The following MAGI2 variants were observed in gnomAD, a reference collection of about 807,000 sequenced individuals.
The protein encoded by MAGI2 is membrane-associated guanylate kinase, WW and PDZ domain-containing protein 2.
In MAGI2, 35 loss-of-function variants were observed where a neutral mutation model predicts 133.3. That is an observed-to-expected ratio of 0.26 (90% confidence interval 0.20 to 0.35). The LOEUF is 0.35. Ranked by LOEUF, MAGI2 falls within the 10% of genes least tolerant of loss-of-function variation. The probability of loss-of-function intolerance (pLI) is 1.00; values close to 1 mark genes in which losing one functional copy is unlikely to be tolerated. For synonymous variants in MAGI2, 729 were observed against 710.6 expected (o/e 1.03, Z -0.41); for missense variants, 1,636 against 1,863.4 (o/e 0.88, Z 2.25).
chr7:78,935,520 T>G (rs1167585659), intron 2 of MAGI2, among the ~76,000 whole-genome samples: 1 of 152,144 alleles, frequency 6.6e-6, no homozygotes, highest in Non-Finnish European at 1.5e-5. Flanking sequence ...GGGGAATTTA[T>G]TGTTCCTTAT....
At chr7:78,542,917 GAAGAC>G (rs1262081889) in intron 3 of MAGI2, among the ~76,000 whole-genome samples, 1 of 152,192 alleles carries the variant, frequency 6.6e-6, no homozygotes, top group Non-Finnish European at 1.5e-5. Context: ...AAGACGGTTT[GAAGAC>G]TAGATTAGAA....
rs78883177 is a variant in MAGI2, at chr7:78,390,754, A to T, written c.1046-21541T>A. 7.7e-3 allele frequency among the ~76,000 whole-genome samples: 1,175 copies of T among 152,238 alleles called. 34 individuals are homozygous for T. Among genetic ancestry groups the T allele is most frequent in the East Asian group, 0.071 (366 of 5,182 alleles). On this transcript the variant is annotated intron_variant, in intron 6 of 21. Coordinates refer to ENST00000354212, the MANE Select transcript of MAGI2 (RefSeq NM_012301.4). ...TAGTATATTATCTTTTACATTTTCC[A>T]TGCCCCTTCCTGCCTCACCTCAGTT...
intron 3 of MAGI2, among the ~76,000 whole-genome samples, chr7:78,550,750 T>C (rs1254838343): frequency 1.5e-5 from 2 of 136,814 alleles, no homozygotes; most frequent in Admixed American, 7.5e-5. Context: ...GAGCATCCTC[T>C]GAACAGTTTT....
At chr7:78,269,501 T>C (rs1794352401) in intron 9 of MAGI2, among the ~76,000 whole-genome samples, 1 of 152,158 alleles carries the variant, frequency 6.6e-6, no homozygotes, top group Non-Finnish European at 1.5e-5. Context: ...TAGTATCTCA[T>C]GGTGGTTTTG....
intron 9 of MAGI2, among the ~76,000 whole-genome samples, chr7:78,274,410 A>AG (rs1199648954): frequency 2.6e-5 from 4 of 152,164 alleles, no homozygotes; most frequent in African/African-American, 9.7e-5. Context: ...CAGGATACAC[A>AG]GGGGTCAGGG....
At chr7:78,527,655 A>C (rs11773635) in intron 3 of MAGI2, among the ~76,000 whole-genome samples, 22,255 of 152,254 alleles carry the variant, frequency 0.15, 2,123 homozygotes, top group Non-Finnish European at 0.21. Flanking sequence ...GTATGAGGAA[A>C]TGTAAAAATG....
intron 2 of MAGI2, among the ~76,000 whole-genome samples, chr7:78,635,336 G>A (rs1461814420): frequency 2.0e-5 from 3 of 152,134 alleles, no homozygotes; most frequent in South Asian, 4.1e-4. Context: ...ATTCTAAAGC[G>A]TATTTCCCCT....
intron 1 of MAGI2, among the ~76,000 whole-genome samples, chr7:79,203,008 G>C (rs1828744186): frequency 6.6e-6 from 1 of 151,852 alleles, no homozygotes; most frequent in Admixed American, 6.6e-5. Flanking sequence ...CAAAATCCTG[G>C]CCCACAAACT....
At chr7:78,692,640 C>T (rs321997) in intron 2 of MAGI2, among the ~76,000 whole-genome samples, 105,520 of 152,064 alleles carry the variant, frequency 0.69, 36,904 homozygotes, top group East Asian at 0.89. Flanking sequence ...ACAAATCTAG[C>T]TTCCGAAAGC....
chr7:78,309,647 T>C (rs1365434492), intron 9 of MAGI2, among the ~76,000 whole-genome samples: 2 of 152,136 alleles, frequency 1.3e-5, no homozygotes, highest in Non-Finnish European at 2.9e-5. Flanking sequence ...AACAAACCTA[T>C]ATGTGTATCC....
chr7:79,061,996 T>A (rs979473498), intron 1 of MAGI2, among the ~76,000 whole-genome samples: 1 of 152,110 alleles, frequency 6.6e-6, no homozygotes, highest in Non-Finnish European at 1.5e-5. Context: ...ACACATGAAA[T>A]CCACAATACA....
At chr7:79,428,872 C>G (rs953859979) in intron 1 of MAGI2, among the ~76,000 whole-genome samples, 3 of 152,062 alleles carry the variant, frequency 2.0e-5, no homozygotes, top group African/African-American at 7.2e-5. Flanking sequence ...TCTAAGAACA[C>G]AAAAACATTT....
At chr7:78,305,197 G>T (rs1213553811) in intron 9 of MAGI2, among the ~76,000 whole-genome samples, 2 of 152,032 alleles carry the variant, frequency 1.3e-5, no homozygotes, top group African/African-American at 4.8e-5. Context: ...TGCCTTTCTT[G>T]TCTGATTTTC....
At chr7:78,559,412 G>T (rs1800188080) in intron 3 of MAGI2, among the ~76,000 whole-genome samples, 2 of 151,974 alleles carry the variant, frequency 1.3e-5, no homozygotes, top group South Asian at 4.2e-4. Flanking sequence ...GTCAATAATA[G>T]GTACATAACT....
chr7:78,760,974 C>A (rs570693335), intron 2 of MAGI2, among the ~76,000 whole-genome samples: 46 of 152,162 alleles, frequency 3.0e-4, no homozygotes, highest in Non-Finnish European at 6.3e-4. Flanking sequence ...ATGTGCCAAG[C>A]TATAGGAGAT....
At chr7:78,215,055 AAG>A (rs954822279) in intron 10 of MAGI2, among the ~76,000 whole-genome samples, 3 of 152,214 alleles carry the variant, frequency 2.0e-5, no homozygotes, top group African/African-American at 7.2e-5. Context: ...ATGAAGACAA[AAG>A]AGGATCACGG....
chr7:79,395,895 C>A (rs865990523), intron 1 of MAGI2, among the ~76,000 whole-genome samples: 8 of 152,054 alleles, frequency 5.3e-5, no homozygotes, highest in Non-Finnish European at 1.0e-4. Flanking sequence ...ACAAAGGAGA[C>A]CGTCTAAAAT....
intron 20 of MAGI2, among the ~76,000 whole-genome samples, chr7:78,110,624 C>T (rs774546743): frequency 3.9e-5 from 6 of 152,166 alleles, no homozygotes; most frequent in Non-Finnish European, 7.3e-5. Flanking sequence ...GTACTTAATT[C>T]TCCCTTTGTA....
intron 4 of MAGI2, among the ~76,000 whole-genome samples, chr7:78,511,358 A>C (rs972577997): frequency 6.6e-6 from 1 of 151,914 alleles, no homozygotes; most frequent in African/African-American, 2.4e-5. Flanking sequence ...GAAAGGGAGC[A>C]GTCACGCATT....
Sources: gnomAD v4.1 joint callset for allele counts (sites outside exome capture counted in the v4.1 genomes callset) on GRCh38, gnomAD v4.1.1 for gene constraint, MANE v1.5 for transcripts, NCBI Gene and HGNC (gene_info 2026-07-23, HGNC 2026-07-21) for gene names.